MRTFB: variants seen among roughly 807,000 people sequenced by gnomAD.
MRTFB encodes the protein myocardin related transcription factor B.
In MRTFB, 29 loss-of-function variants were observed where a neutral mutation model predicts 104.2. That is an observed-to-expected ratio of 0.28 (90% CI 0.21 to 0.38). The LOEUF (loss-of-function observed/expected upper bound fraction) is 0.38, where lower values mean the gene tolerates loss of function less well. Among genes scored for constraint, MRTFB ranks in the 10% least tolerant of loss-of-function variants. MRTFB has a pLI of 1.00. For synonymous variants in MRTFB, 535 were observed against 519.5 expected (o/e 1.03, Z -0.41); for missense variants, 1,270 against 1,341.6 (o/e 0.95, Z 0.83).
At chr16:14,131,143 A>AT (rs1291049881) in intron 2 of MRTFB, among the ~76,000 whole-genome samples, 2 of 152,008 alleles carry the variant, frequency 1.3e-5, no homozygotes, top group Non-Finnish European at 2.9e-5. Flanking sequence ...ATAGTGCTGG[A>AT]TTTTGTCCCC....
Position 14,217,130 on chromosome 16 carries a change from A to G in MRTFB, c.357A>G (p.Thr119=). The change falls in exon 7 of 17, where the codon ACA becomes ACG. Residue 119 remains threonine, a synonymous_variant. Coordinates refer to ENST00000571589, the MANE Select transcript of MRTFB (RefSeq NM_001308142.2). ...ELVRMHILEE[T]FAEPSLQATQ... ...AAACTGTGTTTCCTCTTTTAGAAAC[A>G]TTTGCAGAGCCATCCCTGCAGGCTA... 1.9e-6 allele frequency: 3 copies of G among 1,605,606 alleles called. No individual in the cohort carries two copies. The highest frequency in any genetic ancestry group is 1.7e-4 in the Middle Eastern group (1 of 6,028).
chr16:14,142,421 T>C (rs1242425098), intron 3 of MRTFB: 2 of 151,810 alleles, frequency 1.3e-5, no homozygotes, highest in African/African-American at 4.8e-5. Context: ...TAATTTTTTC[T>C]AGTTTTAGTA....
At position 14,218,990 on chromosome 16, in the gene MRTFB, C is replaced by G. The variant is rs2041559547; in HGVS notation, c.685C>G (p.Pro229Ala). ...GCCATCTCCTGTGACTACAAACACT[C>G]CAGCGCAGGTATTATCTTTCTGGTT... The part of the protein sequence containing the change: ...ESPSPVTTNT[P>A]AQFASVSPTV... Residue 229 changes from proline (P) to alanine (A), a missense_variant, in exon 8 of 17, where the codon CCA (proline) becomes GCA (alanine). Pro to Ala is a conservative substitution (Grantham distance 27, BLOSUM62 -1). Transcript: ENST00000571589. 1 of 1,610,662 alleles carries G rather than the reference C, an allele frequency of 6.2e-7. No homozygotes were observed. Among genetic ancestry groups the G allele is most frequent in the Non-Finnish European group, 8.5e-7 (1 of 1,178,316 alleles).
the MRTFB span, among the ~76,000 whole-genome samples, chr16:14,059,703 T>C: frequency 6.6e-6 from 1 of 152,152 alleles, no homozygotes; most frequent in Non-Finnish European, 1.5e-5. Flanking sequence ...AAAATCATGC[T>C]GGACAGAAAG....
At chr16:14,169,201 G>T (rs906786854) in intron 3 of MRTFB, among the ~76,000 whole-genome samples, 2 of 151,978 alleles carry the variant, frequency 1.3e-5, no homozygotes, top group Non-Finnish European at 2.9e-5. Flanking sequence ...ACATATTTCA[G>T]ATATCTGTAC....
chr16:14,261,532 C>T lies in MRTFB; in HGVS notation c.*88C>T. ...GTTTTTAGAGATAGATCTATAGTTGCATTGTTGCAATCAAAATATGTTGTC... is the reference window on the plus strand; with the variant it reads ...GTTTTTAGAGATAGATCTATAGTTGTATTGTTGCAATCAAAATATGTTGTC... On this transcript the variant is annotated 3_prime_UTR_variant, in exon 17 of 17. Coordinates refer to ENST00000571589, the MANE Select transcript of MRTFB (RefSeq NM_001308142.2). 1 of 1,301,014 alleles carries T rather than the reference C, an allele frequency of 7.7e-7. No homozygotes were observed. Among genetic ancestry groups the T allele is most frequent in the South Asian group, 1.5e-5 (1 of 66,886 alleles). 80.6% of individuals were successfully genotyped at this position (1,301,014 alleles called of 1,614,324 possible). A position where few individuals can be genotyped will look rare whatever the true frequency, so the allele number is the denominator to read the frequency against.
At chr16:14,254,312 CA>C (rs2043386337) in intron 15 of MRTFB, among the ~76,000 whole-genome samples, 1 of 152,218 alleles carries the variant, frequency 6.6e-6, no homozygotes, top group Non-Finnish European at 1.5e-5. Flanking sequence ...TAACAAAAAG[CA>C]ACTACCTGAA....
At chr16:14,127,065 G>T (rs556353239) in intron 2 of MRTFB, among the ~76,000 whole-genome samples, 15 of 152,276 alleles carry the variant, frequency 9.9e-5, no homozygotes, top group African/African-American at 3.1e-4. Context: ...GAGGCTTAGG[G>T]GGTTAACTAA....
intron 16 of MRTFB, 62 bp from the exon 17 acceptor site, chr16:14,260,847 A>T: frequency 7.3e-7 from 1 of 1,377,242 alleles, no homozygotes; most frequent in Non-Finnish European, 9.9e-7. Context: ...CCTAGTAATT[A>T]ATAAAAATTT....
chr16:14,229,118 C>T (rs897281130), intron 8 of MRTFB, among the ~76,000 whole-genome samples: 15 of 152,254 alleles, frequency 9.9e-5, no homozygotes, highest in East Asian at 7.7e-4. Flanking sequence ...AGCAGGGATA[C>T]GTGCAGATCC....
intron 2 of MRTFB, among the ~76,000 whole-genome samples, chr16:14,103,714 G>A (rs2035821803): frequency 6.6e-6 from 1 of 152,228 alleles, no homozygotes; most frequent in Admixed American, 6.5e-5. Flanking sequence ...GCATAAATTA[G>A]CCCAGTTTGC....
the MRTFB span, among the ~76,000 whole-genome samples, chr16:14,006,294 G>T: frequency 6.6e-6 from 1 of 152,064 alleles, no homozygotes; most frequent in South Asian, 2.1e-4. Context: ...AGCGAGCCGA[G>T]ATTGTGTCAT....
chr16:14,028,809 A>C, the MRTFB span, among the ~76,000 whole-genome samples: 47,788 of 152,026 alleles, frequency 0.31, 8,461 homozygotes, highest in Admixed American at 0.44. Flanking sequence ...AACTGAGAAC[A>C]TTCAGGTCAA....
At chr16:14,019,259 T>C in the MRTFB span, 1 of 152,352 alleles carries the variant, frequency 6.6e-6, no homozygotes, top group South Asian at 2.1e-4. Flanking sequence ...AATAGCACCA[T>C]ATATTGGATA....
chr16:14,030,253 G>T, the MRTFB span, among the ~76,000 whole-genome samples: 1 of 152,136 alleles, frequency 6.6e-6, no homozygotes, highest in Non-Finnish European at 1.5e-5. Flanking sequence ...TGCCCACAGC[G>T]GGTTAGCAAC....
chr16:14,088,453 G>A (rs931208128), intron 2 of MRTFB, among the ~76,000 whole-genome samples: 3 of 152,030 alleles, frequency 2.0e-5, no homozygotes, highest in African/African-American at 7.3e-5. Flanking sequence ...TTCTTCCCTC[G>A]GACAGGGAAA....
intron 10 of MRTFB, chr16:14,240,751 T>C (rs1196407855): frequency 1.3e-6 from 1 of 773,826 alleles, no homozygotes. Context: ...GATTTGCCTA[T>C]TATTAGAACA....
the MRTFB span, among the ~76,000 whole-genome samples, chr16:14,023,013 C>G: frequency 6.6e-6 from 1 of 151,274 alleles, no homozygotes; most frequent in African/African-American, 2.4e-5. Flanking sequence ...GTTCTTATAC[C>G]ACATGGTGCT....
intron 3 of MRTFB, among the ~76,000 whole-genome samples, chr16:14,150,505 C>T (rs994446617): frequency 6.6e-5 from 10 of 152,102 alleles, no homozygotes; most frequent in African/African-American, 2.4e-4. Flanking sequence ...GCGTTATGTA[C>T]TGTATTCTTA....
Sources: gnomAD v4.1 joint callset for allele counts (sites outside exome capture counted in the v4.1 genomes callset) on GRCh38, gnomAD v4.1.1 for gene constraint, MANE v1.5 for transcripts, NCBI Gene and HGNC (gene_info 2026-07-23, HGNC 2026-07-21) for gene names.